NAALADL2: variants seen among roughly 807,000 people sequenced by gnomAD.
NAALADL2 encodes N-acetylated alpha-linked acidic dipeptidase like 2.
NAALADL2 carries 76 observed loss-of-function variants against 87.2 expected under a neutral mutation model. The ratio of observed to expected loss-of-function variants is 0.87; its 90% CI spans 0.72 to 1.05. NAALADL2 has a LOEUF of 1.05. NAALADL2 is among the 50% of genes least tolerant of loss of function. The pLI is 0.00. For missense variants in NAALADL2, 1,089 were observed against 945.8 expected, an observed-to-expected ratio of 1.15 and a Z score of -1.99; for synonymous variants, 354 against 331.0, an observed-to-expected ratio of 1.07 and a Z score of -0.75.
chr3:175,119,240 A>G (rs1374215832), intron 2 of NAALADL2, among the ~76,000 whole-genome samples: 1 of 151,736 alleles, frequency 6.6e-6, no homozygotes, highest in Non-Finnish European at 1.5e-5. Context: ...AAGTTTGAAT[A>G]AAGTGCCATA....
intron 3 of NAALADL2, among the ~76,000 whole-genome samples, chr3:175,247,896 G>A (rs564146343): frequency 1.3e-3 from 197 of 152,224 alleles, no homozygotes; most frequent in Non-Finnish European, 2.5e-3. Flanking sequence ...ATTGGGTCCC[G>A]ATGATCTAAT....
intron 4 of NAALADL2, among the ~76,000 whole-genome samples, chr3:175,268,942 ATTTT>A (rs71164626): frequency 2.3e-4 from 33 of 143,016 alleles, no homozygotes; most frequent in Non-Finnish European, 3.0e-5. Context: ...TAACTATTTA[ATTTT>A]TTTTTTTTTT....
At chr3:174,822,212 A>G (rs1167250289) in intron 3 of NAALADL2, among the ~76,000 whole-genome samples, 1 of 152,030 alleles carries the variant, frequency 6.6e-6, no homozygotes, top group Non-Finnish European at 1.5e-5. Flanking sequence ...GCGAGCAAAT[A>G]TAACACTATA....
intron 2 of NAALADL2, among the ~76,000 whole-genome samples, chr3:174,708,014 T>G (rs186703497): frequency 6.6e-6 from 1 of 152,292 alleles, no homozygotes; most frequent in African/African-American, 2.4e-5. Context: ...CACTTTCTTT[T>G]ACTTCAATAC....
At chr3:174,657,998 C>G (rs1001666909) in intron 2 of NAALADL2, among the ~76,000 whole-genome samples, 2 of 152,136 alleles carry the variant, frequency 1.3e-5, no homozygotes, top group African/African-American at 4.8e-5. Flanking sequence ...ACCCCACTTT[C>G]TTGATATACT....
intron 2 of NAALADL2, among the ~76,000 whole-genome samples, chr3:174,692,735 C>T (rs756669113): frequency 2.6e-5 from 4 of 151,956 alleles, no homozygotes; most frequent in Non-Finnish European, 4.4e-5. Context: ...TATCCTGACA[C>T]ATAAGAAACC....
chr3:175,034,699 C>T (rs1268124541), intron 1 of NAALADL2, among the ~76,000 whole-genome samples: 7 of 152,082 alleles, frequency 4.6e-5, no homozygotes, highest in Non-Finnish European at 1.0e-4. Flanking sequence ...GTCTTTGTCT[C>T]CTACTGCTGG....
chr3:174,473,809 G>A (rs1228695664), intron 1 of NAALADL2, among the ~76,000 whole-genome samples: 1 of 152,082 alleles, frequency 6.6e-6, no homozygotes, highest in Non-Finnish European at 1.5e-5. Flanking sequence ...TTCGTATTTT[G>A]AGGCTGTATT....
At chr3:175,209,610 C>G (rs372380600) in intron 2 of NAALADL2, among the ~76,000 whole-genome samples, 2 of 151,806 alleles carry the variant, frequency 1.3e-5, no homozygotes, top group Admixed American at 6.6e-5. Flanking sequence ...ATCACATGAT[C>G]AACAAAAGAT....
intron 3 of NAALADL2, among the ~76,000 whole-genome samples, chr3:174,819,762 A>G (rs1721224698): frequency 6.7e-6 from 1 of 150,110 alleles, no homozygotes; most frequent in Non-Finnish European, 1.5e-5. Flanking sequence ...TCTCTCATCT[A>G]CAAAATAATC....
chr3:175,746,327 T>C (rs1283436794), intron 12 of NAALADL2, among the ~76,000 whole-genome samples: 2 of 151,580 alleles, frequency 1.3e-5, no homozygotes, highest in Non-Finnish European at 2.9e-5. Context: ...TTTTTTTTTT[T>C]TTTAATCAAT....
chr3:174,964,035 GA>G (rs35955059), intron 1 of NAALADL2, among the ~76,000 whole-genome samples: 3 of 151,068 alleles, frequency 2.0e-5, no homozygotes, highest in East Asian at 3.9e-4. Context: ...AATCTTTTGG[GA>G]AAAAAAACTA....
intron 13 of NAALADL2, among the ~76,000 whole-genome samples, chr3:175,792,183 A>G (rs1752871545): frequency 6.6e-6 from 1 of 152,210 alleles, no homozygotes; most frequent in African/African-American, 2.4e-5. Context: ...ACACGAATAA[A>G]CTGTGAGGAA....
chr3:175,009,157 T>C (rs1464495143), intron 1 of NAALADL2, among the ~76,000 whole-genome samples: 4 of 152,136 alleles, frequency 2.6e-5, no homozygotes, highest in East Asian at 3.9e-4. Context: ...CTGATTCAGA[T>C]TGGGATAGGG....
At chr3:175,038,390 G>A (rs2108954808) in intron 1 of NAALADL2, among the ~76,000 whole-genome samples, 1 of 152,224 alleles carries the variant, frequency 6.6e-6, no homozygotes, top group East Asian at 1.9e-4. Flanking sequence ...TAAGCTTTTT[G>A]TTTTGAACCA....
intron 2 of NAALADL2, among the ~76,000 whole-genome samples, chr3:175,183,542 T>C (rs1027734655): frequency 6.6e-6 from 1 of 152,128 alleles, no homozygotes; most frequent in Non-Finnish European, 1.5e-5. Context: ...GTGTTTATCA[T>C]AAAAGGATAT....
chr3:174,474,712 C>T (rs1717109108), intron 1 of NAALADL2, among the ~76,000 whole-genome samples: 1 of 152,072 alleles, frequency 6.6e-6, no homozygotes, highest in African/African-American at 2.4e-5. Flanking sequence ...TTTCTGTTAG[C>T]CTTGCCATAA....
intron 3 of NAALADL2, among the ~76,000 whole-genome samples, chr3:174,737,904 ATTT>A (rs1733369167): frequency 6.6e-6 from 1 of 152,038 alleles, no homozygotes; most frequent in Non-Finnish European, 1.5e-5. Flanking sequence ...ATGTATTCCA[ATTT>A]TTATTTATCT....
intron 1 of NAALADL2, among the ~76,000 whole-genome samples, chr3:174,921,809 AAAAAAAAAAAAAGAAAAAG>A (rs1272550447): frequency 1.7e-5 from 2 of 120,142 alleles, no homozygotes; most frequent in Non-Finnish European, 3.3e-5. Context: ...CGTCTCAAAA[AAAAAAAAAAAAAGAAAAAG>A]AAAAAGAAAA....
Sources: gnomAD v4.1 joint callset for allele counts (sites outside exome capture counted in the v4.1 genomes callset) on GRCh38, gnomAD v4.1.1 for gene constraint, MANE v1.5 for transcripts, NCBI Gene and HGNC (gene_info 2026-07-23, HGNC 2026-07-21) for gene names.